The following AJAP1 variants were observed in gnomAD, a reference collection of about 807,000 sequenced individuals.
The protein encoded by AJAP1 is adherens junction-associated protein 1.
A neutral mutation model predicts 35.0 loss-of-function variants in AJAP1; 5 were observed. That is an observed-to-expected ratio of 0.14 (90% confidence interval 0.07 to 0.30). The LOEUF (loss-of-function observed/expected upper bound fraction) is 0.30, where lower values mean the gene tolerates loss of function less well. Ranked by LOEUF, AJAP1 falls within the 10% of genes least tolerant of loss-of-function variation. The pLI is 1.00. For missense variants in AJAP1, 586 were observed against 571.0 expected, an observed-to-expected ratio of 1.03 and a Z score of -0.27; for synonymous variants, 284 against 249.3, an observed-to-expected ratio of 1.14 and a Z score of -1.31.
chr1:4,666,570 CGGG>C (rs1639124932), intron 1 of AJAP1, among the ~76,000 whole-genome samples: 2 of 121,196 alleles, frequency 1.7e-5, no homozygotes, highest in African/African-American at 6.3e-5. Flanking sequence ...CCGTGAATCA[CGGG>C]AGGGGTGCGG....
Position 4,788,150 on chromosome 1 carries a change from C to G in AJAP1, c.*5665C>G, listed in dbSNP as rs2100384995. On this transcript the variant is annotated 3_prime_UTR_variant, in exon 6 of 6. Transcript: ENST00000378191. Reference sequence around the variant, plus strand: ...AAACTCCCTCTTTGCTCACTCTGAGCCAGGATCTCTGTGTTAGTTACACTC... The same window carrying G: ...AAACTCCCTCTTTGCTCACTCTGAGGCAGGATCTCTGTGTTAGTTACACTC... 4.9e-6 allele frequency: 1 copy of G among 202,452 alleles called. No homozygotes were observed. Among genetic ancestry groups the G allele is most frequent in the Middle Eastern group, 2.0e-3 (1 of 508 alleles). The allele number at this position is 202,452 out of a possible 1,614,324, so 12.5% of individuals were successfully genotyped here.
chr1:4,770,507 C>G (rs1215096828), intron 3 of AJAP1, among the ~76,000 whole-genome samples: 4 of 152,316 alleles, frequency 2.6e-5, no homozygotes, highest in Non-Finnish European at 4.4e-5. Flanking sequence ...GGTGTACACA[C>G]CTGATAAGCC....
At position 4,791,065 on chromosome 1, in the gene AJAP1, AAAATGATTT is replaced by A. The variant is rs1375495332; in HGVS notation, c.*8586_*8594del. 6.7e-6 allele frequency: 1 copy of A among 149,666 alleles called. No homozygotes were observed. The highest frequency in any genetic ancestry group is 1.5e-5 in the Non-Finnish European group (1 of 67,784). 9.3% of individuals were successfully genotyped at this position (149,666 alleles called of 1,614,324 possible). On this transcript the variant is annotated 3_prime_UTR_variant, in exon 6 of 6. Transcript: ENST00000378191. ...CCAGAGAGGGGGTCACCCTCCAGCT[AAAATGATTT>A]AAATGGAAAGGAGAATGACAGCAAA...
rs1161967024 is a variant in AJAP1 at position 4,656,949 on chromosome 1, G to C, written c.29+1495G>C. On this transcript the variant is annotated intron_variant, in intron 1 of 5. Transcript: ENST00000378191. The surrounding 1 kb of genome is among the most constrained non-coding windows in gnomAD (Gnocchi z 5.7). ...GTGCCCTGGAGGCCTGCCATCCCCT[G>C]CTCTGCCCCGGACTGTCCCAGGTCT... 6.6e-6 allele frequency among the ~76,000 whole-genome samples: 1 copy of C among 152,156 alleles called. No individual in the cohort carries two copies. The highest frequency in any genetic ancestry group is 1.5e-5 in the Non-Finnish European group (1 of 68,032).
At chr1:4,745,220 G>A (rs1641161751) in intron 2 of AJAP1, among the ~76,000 whole-genome samples, 1 of 152,192 alleles carries the variant, frequency 6.6e-6, no homozygotes, top group African/African-American at 2.4e-5. Context: ...GTTTGCTGGA[G>A]AGTCTAGGGC....
Position 4,655,625 on chromosome 1 carries a change from C to T in AJAP1, c.29+171C>T, listed in dbSNP as rs1371537272. The stretch of plus-strand genomic sequence containing the variant: ...GGCGCCCGCCCGGAGCCTGGAGCAG[C>T]ACCGCGGCCCTGGCGGGGAGCGGCC... On this transcript the variant is annotated intron_variant, in intron 1 of 5. Coordinates refer to ENST00000378191, the MANE Select transcript of AJAP1 (RefSeq NM_018836.4). This position sits in a 1 kb window ranked among gnomAD's most constrained non-coding sequence, Gnocchi z 6.9. 6.6e-6 allele frequency among the ~76,000 whole-genome samples: 1 copy of T among 151,280 alleles called. No homozygotes were observed. The highest frequency in any genetic ancestry group is 2.0e-4 in the East Asian group (1 of 5,120).
intron 4 of AJAP1, 116 bp downstream of exon 4, chr1:4,772,641 G>T (rs529841989): frequency 7.0e-7 from 1 of 1,431,502 alleles, no homozygotes; most frequent in Non-Finnish European, 9.4e-7. Context: ...CCCTGAGGTC[G>T]CTTTGAGGGG....
At chr1:4,659,911 G>T (rs1385421537) in intron 1 of AJAP1, among the ~76,000 whole-genome samples, 1 of 152,138 alleles carries the variant, frequency 6.6e-6, no homozygotes, top group Non-Finnish European at 1.5e-5. Context: ...ATGACCTGAT[G>T]ACCCAAAAAT....
At chr1:4,676,305 T>G (rs1017618126) in intron 1 of AJAP1, among the ~76,000 whole-genome samples, 1 of 151,816 alleles carries the variant, frequency 6.6e-6, no homozygotes, top group Non-Finnish European at 1.5e-5. Flanking sequence ...GTGAAGGGAG[T>G]GAAAATTGAG....
intron 1 of AJAP1, among the ~76,000 whole-genome samples, chr1:4,700,649 C>T (rs72638820): frequency 0.058 from 8,760 of 152,234 alleles, 344 homozygotes; most frequent in Middle Eastern, 0.085. Context: ...TAGGGCTTGG[C>T]GCTGGGATGG....
chr1:4,750,335 G>A (rs980753323), intron 2 of AJAP1, among the ~76,000 whole-genome samples: 3 of 152,254 alleles, frequency 2.0e-5, no homozygotes, highest in African/African-American at 7.2e-5. Context: ...AATGCTGGAA[G>A]AGCCTGGCTG....
intron 2 of AJAP1, among the ~76,000 whole-genome samples, chr1:4,725,535 G>A (rs1304932557): frequency 6.6e-6 from 1 of 152,142 alleles, no homozygotes; most frequent in South Asian, 2.1e-4. Flanking sequence ...TTGAGGTTAG[G>A]AGAGAACTCA....
chr1:4,701,048 C>T (rs1047979970), intron 1 of AJAP1, among the ~76,000 whole-genome samples: 3 of 152,252 alleles, frequency 2.0e-5, no homozygotes, highest in African/African-American at 7.2e-5. Flanking sequence ...CCAGAATGCT[C>T]GCGGGCACGT....
rs567149966 is a variant in AJAP1, at chr1:4,732,603, TGA to T, written c.829+19908_829+19909del. On this transcript the variant is annotated intron_variant, in intron 2 of 5. Transcript: ENST00000378191. ...TCTCAGTGCTGTAACTTACTGTCAA[TGA>T]GAGTGTCCCTTGTGCCAGGCCCCAC... Among the ~76,000 whole-genome samples the T allele has an allele frequency of 1.7e-3, 265 of 152,282 alleles. 1 individual carries two copies. The highest frequency in any genetic ancestry group is 2.5e-3 in the Non-Finnish European group (173 of 68,010).
At chr1:4,695,218 G>A (rs1639830745) in intron 1 of AJAP1, among the ~76,000 whole-genome samples, 1 of 152,174 alleles carries the variant, frequency 6.6e-6, no homozygotes, top group Admixed American at 6.5e-5. Flanking sequence ...CAGGGCCTAT[G>A]AGCAAGTATT....
intron 1 of AJAP1, among the ~76,000 whole-genome samples, chr1:4,699,827 A>G (rs1303449794): frequency 2.6e-5 from 4 of 152,214 alleles, no homozygotes; most frequent in Non-Finnish European, 4.4e-5. Context: ...AGGAGAGTCA[A>G]TGCCAACTCT....
Position 4,711,902 on chromosome 1 carries a change from C to G in AJAP1, c.32C>G (p.Ser11Cys), listed in dbSNP as rs137881519. The change falls in exon 2 of 6, where the codon TCC becomes TGC. Residue 11 changes from serine to cysteine, a missense_variant and splice_region_variant. Transcript: ENST00000378191. MWIQQLLGLS[S>C]MSIRWPGRPL... Reference sequence around the variant, plus strand: ...TCTCTCCTTTCCCCCCCGCACAGCTCCATGTCCATCCGCTGGCCGGGCCGC... The same window carrying G: ...TCTCTCCTTTCCCCCCCGCACAGCTGCATGTCCATCCGCTGGCCGGGCCGC... 6.7e-7 allele frequency: 1 copy of G among 1,502,208 alleles called. No homozygotes were observed. The highest frequency in any genetic ancestry group is 2.6e-5 in the East Asian group (1 of 38,762). The allele number at this position is 1,502,208 out of a possible 1,614,324, so 93.1% of individuals were successfully genotyped here.
At position 4,769,774 on chromosome 1, in the gene AJAP1, C is replaced by G. The variant is rs184473115; in HGVS notation, c.830-79C>G. 8.6e-3 allele frequency: 10,659 copies of G among 1,243,548 alleles called. 633 individuals are homozygous for G. The South Asian group carries it at 0.1, about 12-fold the overall frequency. The allele number at this position is 1,243,548 out of a possible 1,614,324, so 77.0% of individuals were successfully genotyped here. ...CATCCCCAGCTGGGTTGGGGGGATGCACCTCCACCTTTCCCGGCCCCCCTC... is the reference window on the plus strand; with the variant it reads ...CATCCCCAGCTGGGTTGGGGGGATGGACCTCCACCTTTCCCGGCCCCCCTC... On this transcript the variant is annotated intron_variant, in intron 2 of 5. Transcript: ENST00000378191.
chr1:4,751,153 A>G (rs1368593684), intron 2 of AJAP1, among the ~76,000 whole-genome samples: 3 of 151,862 alleles, frequency 2.0e-5, no homozygotes, highest in Non-Finnish European at 2.9e-5. Flanking sequence ...CCTCCTCCAG[A>G]CCACCCATTT....
Sources: gnomAD v4.1 joint callset for allele counts (sites outside exome capture counted in the v4.1 genomes callset) on GRCh38, gnomAD v4.1.1 for gene constraint, Gnocchi (gnomAD v3.1) non-coding constraint, MANE v1.5 for transcripts, NCBI Gene and HGNC (gene_info 2026-07-23, HGNC 2026-07-21) for gene names.